Variants in ITGA6 observed in about 807,000 individuals in gnomAD.
ITGA6 encodes the protein integrin alpha-6.
A neutral mutation model predicts 133.6 loss-of-function variants in ITGA6; 63 were observed. The observed-to-expected ratio is 0.47, with a 90% CI of 0.38 to 0.58. The LOEUF (loss-of-function observed/expected upper bound fraction) is 0.58, where lower values mean the gene tolerates loss of function less well. Among genes scored for constraint, ITGA6 ranks in the 20% least tolerant of loss-of-function variants. The pLI is 0.00. For missense variants in ITGA6, 1,068 were observed against 1,309.4 expected, an observed-to-expected ratio of 0.82 and a Z score of 2.85; for synonymous variants, 434 against 482.0, an observed-to-expected ratio of 0.90 and a Z score of 1.30.
In ITGA6 at chr2:172,487,329, C is replaced by G. The variant is rs1394160630; in HGVS notation, c.2036C>G (p.Thr679Arg). The G allele has an allele frequency of 6.2e-7, 1 of 1,614,032 alleles. No homozygotes were observed. The highest frequency in any genetic ancestry group is 1.1e-5 in the South Asian group (1 of 91,084). Residue 679 changes from threonine to arginine, a missense_variant, in exon 15 of 26, where the codon ACA (threonine) becomes AGA (arginine). Transcript: ENST00000684293. ...QKDIALEITV[T>R]NSPSNPRNPT... is the part of the protein sequence containing the mutation. ...GATATTGCTTTAGAAATAACAGTGA[C>G]AAACAGCCCTTCCAACCCAAGGAAT...
At chr2:172,459,794 A>G (rs373513015) in intron 1 of ITGA6, among the ~76,000 whole-genome samples, 6 of 152,350 alleles carry the variant, frequency 3.9e-5, no homozygotes, top group South Asian at 2.1e-4. Context: ...CAGGATAGCC[A>G]TGAAGGGCTG....
chr2:172,428,994 C>T (rs1376735660), intron 1 of ITGA6, among the ~76,000 whole-genome samples: 1 of 152,174 alleles, frequency 6.6e-6, no homozygotes, highest in Non-Finnish European at 1.5e-5. Context: ...CCCACCCAGG[C>T]CTTGAGTTGA....
At chr2:172,503,024 C>G (rs1348123902) in intron 25 of ITGA6, among the ~76,000 whole-genome samples, 2 of 151,688 alleles carry the variant, frequency 1.3e-5, no homozygotes, top group Admixed American at 1.3e-4. Context: ...AACAAAACAT[C>G]TTGGTCCATT....
At chr2:172,470,815 T>C (rs1438319510) in intron 4 of ITGA6, among the ~76,000 whole-genome samples, 159 bp from the exon 5 acceptor site, 3 of 152,238 alleles carry the variant, frequency 2.0e-5, no homozygotes, top group African/African-American at 7.2e-5. Flanking sequence ...TACACAAATG[T>C]ATTTTACAAC....
At chr2:172,458,246 C>CTTTTT (rs72218248) in intron 1 of ITGA6, among the ~76,000 whole-genome samples, 3 of 143,714 alleles carry the variant, frequency 2.1e-5, no homozygotes, top group African/African-American at 7.7e-5. Context: ...ATAATGAATT[C>CTTTTT]TTTTTTTTTT....
At chr2:172,503,891 T>G (rs1469142900) in intron 25 of ITGA6, 200 bp from the exon 26 acceptor site, 1 of 386,960 alleles carries the variant, frequency 2.6e-6, no homozygotes. Flanking sequence ...CTTCCAGTTT[T>G]ACAGCTGTTC....
chr2:172,450,673 G>T (rs1684949476), intron 1 of ITGA6, among the ~76,000 whole-genome samples: 2 of 151,858 alleles, frequency 1.3e-5, no homozygotes. Flanking sequence ...TAGAGAAGGG[G>T]GCCGGGCATG....
chr2:172,444,754 G>T (rs185816612), intron 1 of ITGA6, among the ~76,000 whole-genome samples: 101 of 133,312 alleles, frequency 7.6e-4, no homozygotes, highest in African/African-American at 2.9e-3. Flanking sequence ...TAATCGCCAC[G>T]TATTTCCCCC....
chr2:172,498,042 T>C lies in ITGA6; in HGVS notation c.3056T>C (p.Leu1019Pro), dbSNP rs778993295. ...TCGGGAGTACCTTGGTGGATCATCCTAGTGGCTATTCTCGCTGGGATCTTG... is the reference window on the plus strand; with the variant it reads ...TCGGGAGTACCTTGGTGGATCATCCCAGTGGCTATTCTCGCTGGGATCTTG... ...QYSGVPWWII[L>P]VAILAGILML... The change falls in exon 24 of 26, where the codon CTA becomes CCA. Residue 1019 changes from leucine (L) to proline (P), a missense_variant. This residue lies in a region of ITGA6 where 609 missense variants were observed against 707.2 expected (regional missense o/e 0.86). Coordinates refer to ENST00000684293, the MANE Select transcript of ITGA6 (RefSeq NM_000210.4). The C allele has an allele frequency of 9.9e-6, 16 of 1,612,954 alleles. No homozygotes were observed. Among genetic ancestry groups the C allele is most frequent in the African/African-American group, 4.0e-5 (3 of 74,910 alleles).
intron 23 of ITGA6, 65 bp from the exon 24 acceptor site, chr2:172,497,910 A>G (rs1366601770): frequency 1.3e-6 from 2 of 1,591,216 alleles, no homozygotes; most frequent in East Asian, 2.2e-5. Flanking sequence ...AATTAGAACC[A>G]TAAACTCCTG....
rs17286988 is a variant in ITGA6 at position 172,504,272 on chromosome 2, A to T, written c.*204A>T. The T allele has an allele frequency of 3.8e-3, 5,613 of 1,495,942 alleles. No individual in the cohort carries two copies. The highest frequency in any genetic ancestry group is 6.2e-3 in the Middle Eastern group (35 of 5,666). 92.7% of individuals were successfully genotyped at this position (1,495,942 alleles called of 1,614,324 possible). On this transcript the variant is annotated 3_prime_UTR_variant, in exon 26 of 26. Transcript: ENST00000684293. The stretch of plus-strand genomic sequence containing the variant: ...TCATAGCGGGGGCCTAAAAAAAAAA[A>T]GCTTCACAGTACCCAAACTGCTTTT...
chr2:172,443,352 T>A (rs1288731379), intron 1 of ITGA6, among the ~76,000 whole-genome samples: 1 of 152,252 alleles, frequency 6.6e-6, no homozygotes, highest in East Asian at 1.9e-4. Context: ...TTTCTAATCC[T>A]TCGCCGTTAA....
intron 9 of ITGA6, among the ~76,000 whole-genome samples, 188 bp downstream of exon 9, chr2:172,476,701 A>G (rs1384396596): frequency 7.2e-5 from 11 of 152,338 alleles, no homozygotes; most frequent in Admixed American, 2.0e-4. Context: ...CTTTTAAAGT[A>G]TCTGAGGAAA....
At chr2:172,465,912 A>C (rs997429533) in intron 2 of ITGA6, 1 of 577,436 alleles carries the variant, frequency 1.7e-6, no homozygotes, top group Non-Finnish European at 3.1e-6. Context: ...GGATGTTGCC[A>C]CCTAGTGATG....
At chr2:172,476,292 C>G (rs1435770513) in intron 8 of ITGA6, 103 bp from the exon 9 acceptor site, 1 of 783,120 alleles carries the variant, frequency 1.3e-6, no homozygotes, top group Non-Finnish European at 2.4e-6. Flanking sequence ...TAAGTGAACT[C>G]TCAAATTTCA....
At chr2:172,450,106 G>A (rs1347339731) in intron 1 of ITGA6, among the ~76,000 whole-genome samples, 1 of 152,164 alleles carries the variant, frequency 6.6e-6, no homozygotes, top group Non-Finnish European at 1.5e-5. Context: ...CAGTGTGGCA[G>A]GAGTGCACAC....
At chr2:172,427,443 G>C (rs764988492), upstream of ITGA6, 10 of 1,046,088 alleles carry the variant, frequency 9.6e-6, no homozygotes, top group East Asian at 8.2e-5. Flanking sequence ...GGCAGGTACC[G>C]GGCAGCTGGA....
chr2:172,483,643 C>T (rs1203621575), intron 11 of ITGA6, among the ~76,000 whole-genome samples: 1 of 152,182 alleles, frequency 6.6e-6, no homozygotes, highest in Non-Finnish European at 1.5e-5. Context: ...TTCTGATCAT[C>T]CACATCCTAG....
intron 23 of ITGA6, among the ~76,000 whole-genome samples, chr2:172,497,534 C>T (rs16860592): frequency 0.023 from 3,444 of 149,822 alleles, 134 homozygotes; most frequent in African/African-American, 0.08. Context: ...TGATTGTTCT[C>T]AAAAAGATAC....
Sources: allele counts gnomAD v4.1 joint callset (sites outside exome capture counted in the v4.1 genomes callset), GRCh38; gene constraint gnomAD v4.1.1; regional missense constraint gnomAD v4.1.1; transcripts MANE v1.5; gene names NCBI Gene and HGNC (gene_info 2026-07-23, HGNC 2026-07-21).